Variants in FBXO32 observed in about 807,000 individuals in gnomAD.
The protein encoded by FBXO32 is F-box only protein 32.
A neutral mutation model predicts 48.3 loss-of-function variants in FBXO32; 15 were observed. The observed-to-expected ratio is 0.31, with a 90% CI of 0.21 to 0.48. FBXO32 has a LOEUF of 0.48. Ranked by LOEUF, FBXO32 falls within the 20% of genes least tolerant of loss-of-function variation. The pLI is 0.99. For synonymous variants in FBXO32, 154 were observed against 165.9 expected, an observed-to-expected ratio of 0.93 and a Z score of 0.55; for missense variants, 309 against 432.7, an observed-to-expected ratio of 0.71 and a Z score of 2.54.
intron 4 of FBXO32, among the ~76,000 whole-genome samples, chr8:123,516,383 G>A (rs973756543): frequency 8.5e-5 from 13 of 152,100 alleles, no homozygotes; most frequent in African/African-American, 3.1e-4. Flanking sequence ...TAGAATCTCC[G>A]CTCCTAGGAA....
rs1226016366 is a variant in FBXO32, at chr8:123,540,796, G to A, written c.116+103C>T. ...CTCCGGGTCAGGGTCTCCCTCCTCA[G>A]CCCGCTCCAGCCCTGCCTGCCCCTC... On this transcript the variant is annotated intron_variant, in intron 1 of 8. Coordinates refer to ENST00000517956, the MANE Select transcript of FBXO32 (RefSeq NM_058229.4). The surrounding 1 kb of genome is among the most constrained non-coding windows in gnomAD (Gnocchi z 6.4). 15 of 988,788 alleles carry A rather than the reference G, an allele frequency of 1.5e-5. No individual in the cohort carries two copies. Among genetic ancestry groups the A allele is most frequent in the Non-Finnish European group, 2.1e-5 (14 of 653,170 alleles). The allele number at this position is 988,788 out of a possible 1,614,324, so 61.3% of individuals were successfully genotyped here.
At chr8:123,529,140 C>G (rs539570205) in intron 4 of FBXO32, among the ~76,000 whole-genome samples, 112 of 152,202 alleles carry the variant, frequency 7.4e-4, no homozygotes, top group Non-Finnish European at 1.5e-4. Flanking sequence ...TTGTTCTTTG[C>G]AAAATAGAAA....
intron 4 of FBXO32, among the ~76,000 whole-genome samples, chr8:123,522,136 G>T (rs1357284614): frequency 1.3e-5 from 2 of 150,540 alleles, no homozygotes; most frequent in Non-Finnish European, 3.0e-5. Flanking sequence ...GGAGAGCCAA[G>T]TTTACATGCA....
At position 123,540,534 on chromosome 8, in the gene FBXO32, G is replaced by A. The variant is rs1817390668; in HGVS notation, c.116+365C>T. Among the ~76,000 whole-genome samples, 1 of 152,246 alleles carries A rather than the reference G, an allele frequency of 6.6e-6. No individual in the cohort carries two copies. The highest frequency in any genetic ancestry group is 2.1e-4 in the South Asian group (1 of 4,838). The stretch of plus-strand genomic sequence containing the variant: ...GCCCACCCGCCCGCGCCCCCACATG[G>A]GCAAAGTGCGCGACTCCGGTGTCCT... On this transcript the variant is annotated intron_variant, in intron 1 of 8. Transcript: ENST00000517956. The surrounding 1 kb of genome is among the most constrained non-coding windows in gnomAD (Gnocchi z 6.4).
intron 4 of FBXO32, among the ~76,000 whole-genome samples, chr8:123,518,010 A>G (rs1487101910): frequency 9.2e-5 from 14 of 152,190 alleles, no homozygotes; most frequent in Admixed American, 9.2e-4. Context: ...CTGAAGCTAT[A>G]GCACCGAAAT....
Position 123,523,929 on chromosome 8 carries a change from G to A in FBXO32, c.372+7969C>T, listed in dbSNP as rs538441524. ...TGAATGTTACCACATACCAGGCGCG[G>A]TTCTACAGCATTTACCAGGTTGAAA... On this transcript the variant is annotated intron_variant, in intron 4 of 8. Coordinates refer to ENST00000517956, the MANE Select transcript of FBXO32 (RefSeq NM_058229.4). Among the ~76,000 whole-genome samples, 131 of 152,248 alleles carry A rather than the reference G, an allele frequency of 8.6e-4. 1 individual carries two copies. Among genetic ancestry groups the A allele is most frequent in the Non-Finnish European group, 1.2e-3 (84 of 68,016 alleles).
chr8:123,530,073 A>C (rs927122088), intron 4 of FBXO32, among the ~76,000 whole-genome samples: 1 of 152,224 alleles, frequency 6.6e-6, no homozygotes, highest in African/African-American at 2.4e-5. Context: ...GAACTTGCAG[A>C]GTCACACTGA....
intron 4 of FBXO32, among the ~76,000 whole-genome samples, chr8:123,520,689 G>A (rs918872592): frequency 8.5e-5 from 13 of 152,092 alleles, no homozygotes; most frequent in African/African-American, 2.2e-4. Flanking sequence ...GGCTTCTTAC[G>A]TCTTCTTCCC....
At chr8:123,509,013 G>C (rs1411011235) in intron 6 of FBXO32, among the ~76,000 whole-genome samples, 6 of 151,632 alleles carry the variant, frequency 4.0e-5, no homozygotes, top group Non-Finnish European at 1.5e-5. Context: ...ACATCCACTA[G>C]GGTCTATGTC....
At chr8:123,505,253 G>C (rs1816591567) in intron 7 of FBXO32, among the ~76,000 whole-genome samples, 1 of 152,152 alleles carries the variant, frequency 6.6e-6, no homozygotes, top group Non-Finnish European at 1.5e-5. Context: ...AGGGAAACAG[G>C]CTTGGAGTTG....
intron 4 of FBXO32, among the ~76,000 whole-genome samples, chr8:123,519,547 T>G (rs1816907606): frequency 1.8e-5 from 2 of 114,114 alleles, no homozygotes; most frequent in African/African-American, 3.4e-5. Flanking sequence ...CAAGACTCCA[T>G]CTCAAAAAAA....
chr8:123,503,959 G>A (rs1272722535), intron 8 of FBXO32, among the ~76,000 whole-genome samples: 4 of 151,912 alleles, frequency 2.6e-5, no homozygotes, highest in Admixed American at 1.3e-4. Context: ...TGTGCCTGTA[G>A]TCCCAGATAC....
At position 123,503,169 on chromosome 8, in the gene FBXO32, C is replaced by A; in HGVS notation, c.*204G>T. The A allele has an allele frequency of 4.5e-6, 2 of 446,584 alleles. No homozygotes were observed. The highest frequency in any genetic ancestry group is 4.6e-5 in the South Asian group (1 of 21,808). The allele number at this position is 446,584 out of a possible 1,614,324, so 27.7% of individuals were successfully genotyped here. ...TTTACAGTATTTTGCTTTTCCATAC[C>A]AATTCTAGTGAGAAGTTCACATTCT... is the stretch of plus-strand genomic sequence containing the variant. On this transcript the variant is annotated 3_prime_UTR_variant, in exon 9 of 9. Transcript: ENST00000517956.
At chr8:123,530,826 C>T (rs542568001) in intron 4 of FBXO32, among the ~76,000 whole-genome samples, 1 of 151,384 alleles carries the variant, frequency 6.6e-6, no homozygotes, top group East Asian at 2.0e-4. Context: ...ACTATGTTGG[C>T]CAGGCTGGGC....
intron 7 of FBXO32, among the ~76,000 whole-genome samples, chr8:123,505,906 C>A (rs913045503): frequency 1.3e-5 from 2 of 152,042 alleles, no homozygotes; most frequent in African/African-American, 4.8e-5. Context: ...CTGAAACACA[C>A]ACACACACAA....
At chr8:123,536,101 T>C (rs1817305163) in intron 1 of FBXO32, among the ~76,000 whole-genome samples, 1 of 152,204 alleles carries the variant, frequency 6.6e-6, no homozygotes, top group African/African-American at 2.4e-5. Flanking sequence ...TATGCTTACA[T>C]GTGACATCTC....
At chr8:123,504,778 A>C in intron 7 of FBXO32, 31 bp from the exon 8 acceptor site, 1 of 1,604,708 alleles carries the variant, frequency 6.2e-7, no homozygotes, top group Non-Finnish European at 8.5e-7. Flanking sequence ...AGGAAATGAC[A>C]GGAGAGTTTG....
At position 123,503,342 on chromosome 8, in the gene FBXO32, A is replaced by G. The variant is rs563936740; in HGVS notation, c.*31T>C. 129 of 1,551,612 alleles carry G rather than the reference A, an allele frequency of 8.3e-5. No homozygotes were observed. In the South Asian group the frequency reaches 1.4e-3, roughly 16 times the overall value. ...TCCCAGCTCTCCAGTCAGCAGGGGG[A>G]CCCTTCTGAAGTGTTGTCATGTGCT... On this transcript the variant is annotated 3_prime_UTR_variant, in exon 9 of 9. Transcript: ENST00000517956.
chr8:123,533,582 C>A (rs936311433), intron 2 of FBXO32, among the ~76,000 whole-genome samples: 1 of 152,056 alleles, frequency 6.6e-6, no homozygotes, highest in African/African-American at 2.4e-5. Context: ...TTGAGGCAGG[C>A]GGATCACTAG....
Sources: allele counts gnomAD v4.1 joint callset (sites outside exome capture counted in the v4.1 genomes callset), GRCh38; gene constraint gnomAD v4.1.1; non-coding constraint Gnocchi (gnomAD v3.1); transcripts MANE v1.5; gene names NCBI Gene and HGNC (gene_info 2026-07-23, HGNC 2026-07-21).